MBNL2: variants seen among roughly 807,000 people sequenced by gnomAD.
MBNL2 encodes the protein muscleblind-like protein 2.
A neutral mutation model predicts 41.9 loss-of-function variants in MBNL2; 17 were observed. The ratio of observed to expected loss-of-function variants is 0.41; its 90% CI spans 0.28 to 0.61. MBNL2 has a LOEUF of 0.61. MBNL2 is among the 20% of genes least tolerant of loss of function. The pLI is 0.35. For synonymous variants in MBNL2, 195 were observed against 182.9 expected (o/e 1.07, Z -0.53); for missense variants, 336 against 505.6 (o/e 0.66, Z 3.22).
chr13:97,298,342 C>T (rs2057282807), intron 2 of MBNL2, among the ~76,000 whole-genome samples: 1 of 152,138 alleles, frequency 6.6e-6, no homozygotes, highest in African/African-American at 2.4e-5. Flanking sequence ...TGTCTATTTG[C>T]TTGGTGTCTG....
At chr13:97,235,380 C>T (rs914758028) in intron 1 of MBNL2, among the ~76,000 whole-genome samples, 7 of 152,146 alleles carry the variant, frequency 4.6e-5, no homozygotes, top group Admixed American at 2.6e-4. Context: ...TGTTGTATAA[C>T]GCAGACCTCA....
At chr13:97,280,352 T>C (rs910510300) in intron 2 of MBNL2, among the ~76,000 whole-genome samples, 2 of 152,182 alleles carry the variant, frequency 1.3e-5, no homozygotes, top group Non-Finnish European at 2.9e-5. Flanking sequence ...TTTCGGGAAG[T>C]ATTTATTTGC....
At chr13:97,200,946 TG>T in the MBNL2 span, among the ~76,000 whole-genome samples, 1 of 152,208 alleles carries the variant, frequency 6.6e-6, no homozygotes, top group South Asian at 2.1e-4. Context: ...ACTCTACTTT[TG>T]TTTATGAAAG....
At chr13:97,291,236 AATTATT>A (rs546598699) in intron 2 of MBNL2, among the ~76,000 whole-genome samples, 6 of 151,526 alleles carry the variant, frequency 4.0e-5, no homozygotes, top group Admixed American at 1.3e-4. Flanking sequence ...TTTGAGGTAG[AATTATT>A]ATTATTATTA....
At chr13:97,161,453 C>G in the MBNL2 span, among the ~76,000 whole-genome samples, 1 of 152,160 alleles carries the variant, frequency 6.6e-6, no homozygotes, top group South Asian at 2.1e-4. Flanking sequence ...GTTGGAACTT[C>G]CAGCTATTCT....
intron 1 of MBNL2, among the ~76,000 whole-genome samples, chr13:97,224,658 TTGTCTCTTGG>T (rs1395703474): frequency 6.6e-6 from 1 of 150,668 alleles, no homozygotes; most frequent in Non-Finnish European, 1.5e-5. Context: ...AAAAAGTTGT[TTGTCTCTTGG>T]CACATTGAGC....
In MBNL2 at chr13:97,314,548, T is replaced by C. The variant is rs151005964; in HGVS notation, c.175-19728T>C. On this transcript the variant is annotated intron_variant, in intron 2 of 8. Transcript: ENST00000679496. Reference sequence around the variant, plus strand: ...GAGATCAGTGCTACACAGAGTACCATACATTAAATATGCACCGAATAAATG... The same window carrying C: ...GAGATCAGTGCTACACAGAGTACCACACATTAAATATGCACCGAATAAATG... 5.1e-3 allele frequency among the ~76,000 whole-genome samples: 775 copies of C among 152,314 alleles called. 9 individuals carry two copies. Among genetic ancestry groups the C allele is most frequent in the African/African-American group, 0.018 (738 of 41,560 alleles).
At chr13:97,222,722 C>T (rs990504434) in intron 1 of MBNL2, among the ~76,000 whole-genome samples, 191 bp downstream of exon 1, 15 of 152,070 alleles carry the variant, frequency 9.9e-5, no homozygotes, top group African/African-American at 3.4e-4. Context: ...GAATCTATGC[C>T]GCCTGTTTGG....
the MBNL2 span, among the ~76,000 whole-genome samples, chr13:97,149,766 C>T: frequency 2.6e-5 from 4 of 152,238 alleles, no homozygotes; most frequent in Non-Finnish European, 1.5e-5. Flanking sequence ...CATGGACAGA[C>T]AGCTTACTCT....
upstream of MBNL2, among the ~76,000 whole-genome samples, chr13:97,219,050 T>C (rs1286789615): frequency 6.6e-6 from 1 of 152,114 alleles, no homozygotes; most frequent in Non-Finnish European, 1.5e-5. Context: ...ATTTTGGTGC[T>C]CAAAGAATAG....
chr13:97,180,367 A>C, the MBNL2 span, among the ~76,000 whole-genome samples: 1 of 152,166 alleles, frequency 6.6e-6, no homozygotes, highest in African/African-American at 2.4e-5. Flanking sequence ...AGTCATTTGG[A>C]TATACAATTC....
At chr13:97,280,118 C>T (rs2053052779) in intron 2 of MBNL2, among the ~76,000 whole-genome samples, 1 of 152,126 alleles carries the variant, frequency 6.6e-6, no homozygotes. Flanking sequence ...CAATCATTTC[C>T]CTTGGAGCAG....
chr13:97,200,301 T>G, the MBNL2 span, among the ~76,000 whole-genome samples: 1 of 152,186 alleles, frequency 6.6e-6, no homozygotes, highest in Middle Eastern at 3.2e-3. Context: ...TCGATTAGCC[T>G]CATCATGCAC....
intron 3 of MBNL2, among the ~76,000 whole-genome samples, chr13:97,338,036 T>G (rs1332809387): frequency 6.6e-6 from 1 of 152,176 alleles, no homozygotes; most frequent in East Asian, 1.9e-4. Context: ...CTCCATTATA[T>G]CCCACAGACA....
chr13:97,235,951 T>C (rs2043201817), intron 1 of MBNL2, among the ~76,000 whole-genome samples: 1 of 152,022 alleles, frequency 6.6e-6, no homozygotes, highest in Admixed American at 6.5e-5. Flanking sequence ...CGTTAAATAA[T>C]AACCGTCAGC....
At chr13:97,233,286 A>G (rs1383361721) in intron 1 of MBNL2, among the ~76,000 whole-genome samples, 1 of 144,992 alleles carries the variant, frequency 6.9e-6, no homozygotes, top group East Asian at 2.1e-4. Context: ...CGTCATTTAC[A>G]TTAGGTATAT....
chr13:97,295,313 G>C (rs1330008690), intron 2 of MBNL2, among the ~76,000 whole-genome samples: 1 of 151,694 alleles, frequency 6.6e-6, no homozygotes, highest in Admixed American at 6.6e-5. Flanking sequence ...TCTTCAGACT[G>C]TCTTTTAAAG....
intron 8 of MBNL2, among the ~76,000 whole-genome samples, chr13:97,367,836 A>G (rs2063987988): frequency 6.6e-6 from 1 of 152,176 alleles, no homozygotes; most frequent in African/African-American, 2.4e-5. Context: ...CCGGTCCTCT[A>G]AGGAAAACCA....
At chr13:97,388,945 A>C (rs942596758) in intron 8 of MBNL2, among the ~76,000 whole-genome samples, 1 of 152,208 alleles carries the variant, frequency 6.6e-6, no homozygotes, top group Non-Finnish European at 1.5e-5. Flanking sequence ...AGATGCCAAG[A>C]GTGTGATTCG....
Sources: gnomAD v4.1 joint callset for allele counts (sites outside exome capture counted in the v4.1 genomes callset) on GRCh38, gnomAD v4.1.1 for gene constraint, MANE v1.5 for transcripts, NCBI Gene and HGNC (gene_info 2026-07-23, HGNC 2026-07-21) for gene names.